TJP2: variants seen among roughly 807,000 people sequenced by gnomAD.
TJP2 encodes the protein tight junction protein 2.
TJP2 carries 91 observed loss-of-function variants against 133.1 expected under a neutral mutation model. That is an observed-to-expected ratio of 0.68 (90% CI 0.58 to 0.81). The LOEUF (loss-of-function observed/expected upper bound fraction) is 0.81, where lower values mean the gene tolerates loss of function less well. TJP2 is among the 40% of genes least tolerant of loss of function. The pLI is 0.00. For synonymous variants in TJP2, 592 were observed against 583.4 expected (o/e 1.01, Z -0.21); for missense variants, 1,541 against 1,565.6 (o/e 0.98, Z 0.26).
intron 1 of TJP2, chr9:69,205,006 C>T: frequency 7.3e-7 from 1 of 1,377,596 alleles, no homozygotes; most frequent in Non-Finnish European, 9.4e-7. Flanking sequence ...TTTGGCATCC[C>T]TGCCATATGG....
chr9:69,148,494 C>T (rs1823319020), intron 1 of TJP2, among the ~76,000 whole-genome samples: 2 of 150,076 alleles, frequency 1.3e-5, no homozygotes, highest in Admixed American at 1.3e-4. Context: ...CCTGTCTCCA[C>T]CTCCCAAGTA....
At chr9:69,243,836 G>A (rs986455411) in intron 17 of TJP2, among the ~76,000 whole-genome samples, 3 of 152,108 alleles carry the variant, frequency 2.0e-5, no homozygotes, top group African/African-American at 4.8e-5. Flanking sequence ...ACCGAGCCAC[G>A]TGAAAAGCTT....
At position 69,251,266 on chromosome 9, in the gene TJP2, C is replaced by T; in HGVS notation, c.3223C>T (p.Pro1075Ser). ...GESSEEQDNA[P>S]KSVLGKVKIF... is the part of the protein sequence containing the mutation. The stretch of plus-strand genomic sequence containing the variant: ...GAGCAGTGAGGAGCAAGATAATGCT[C>T]CCAAATCAGTCCTGGGCAAAGTCAA... Residue 1075 changes from proline to serine, a missense_variant, in exon 21 of 23, where the codon CCC becomes TCC. By Grantham distance (74) the Pro-to-Ser change is moderately conservative. Transcript: ENST00000377245. 1 of 1,614,144 alleles carries T rather than the reference C, an allele frequency of 6.2e-7. No individual in the cohort carries two copies. The highest frequency in any genetic ancestry group is 2.2e-5 in the East Asian group (1 of 44,890).
At chr9:69,231,507 T>C (rs965716727) in intron 11 of TJP2, among the ~76,000 whole-genome samples, 1 of 152,128 alleles carries the variant, frequency 6.6e-6, no homozygotes, top group Admixed American at 6.5e-5. Flanking sequence ...TGTAGTAAAC[T>C]AAGGGGTCTG....
chr9:69,175,216 TTCTGGCAGCTG>T (rs1437709848), intron 1 of TJP2, among the ~76,000 whole-genome samples: 9 of 152,230 alleles, frequency 5.9e-5, no homozygotes, highest in Admixed American at 1.3e-4. Context: ...TAGGCTGCTT[TTCTGGCAGCTG>T]TCTGGCCTGA....
chr9:69,155,747 G>A (rs1823722593), intron 2 of TJP2, among the ~76,000 whole-genome samples: 1 of 152,220 alleles, frequency 6.6e-6, no homozygotes, highest in Non-Finnish European at 1.5e-5. Context: ...AGACTTTGGA[G>A]CCTAATTTGG....
intron 5 of TJP2, among the ~76,000 whole-genome samples, chr9:69,224,932 T>A (rs1285176193): frequency 6.6e-6 from 1 of 152,160 alleles, no homozygotes; most frequent in Non-Finnish European, 1.5e-5. Flanking sequence ...TTCTCCTACA[T>A]CAGTCACCGT....
At chr9:69,213,652 C>G (rs1354722753) in intron 2 of TJP2, among the ~76,000 whole-genome samples, 1 of 152,216 alleles carries the variant, frequency 6.6e-6, no homozygotes, top group Non-Finnish European at 1.5e-5. Flanking sequence ...ACTTCCAGAT[C>G]AGTAATCACA....
intron 12 of TJP2, 109 bp from the exon 13 acceptor site, chr9:69,235,918 GA>G (rs1830153200): frequency 2.0e-6 from 2 of 1,015,714 alleles, no homozygotes; most frequent in Admixed American, 3.8e-5. Context: ...CTTGTGCACT[GA>G]ATGGAAGGAA....
chr9:69,170,434 G>A (rs1824617449), upstream of TJP2, among the ~76,000 whole-genome samples: 1 of 152,046 alleles, frequency 6.6e-6, no homozygotes, highest in African/African-American at 2.4e-5. Flanking sequence ...ATGATGGTCT[G>A]CTATGCCAAT....
intron 22 of TJP2, chr9:69,253,936 G>C (rs888055551): frequency 6.1e-6 from 3 of 495,414 alleles, no homozygotes; most frequent in African/African-American, 3.9e-5. Context: ...AGGGAGCTTA[G>C]GGGTAAGGAG....
chr9:69,212,902 C>A (rs1272496818), intron 2 of TJP2, among the ~76,000 whole-genome samples: 2 of 49,208 alleles, frequency 4.1e-5, no homozygotes, highest in African/African-American at 9.1e-5. Flanking sequence ...ATGACCTGTA[C>A]TGTTTAAGGA....
chr9:69,223,710 C>A (rs541059595), intron 5 of TJP2, among the ~76,000 whole-genome samples: 4 of 152,336 alleles, frequency 2.6e-5, no homozygotes, highest in African/African-American at 9.6e-5. Context: ...GGCTGTGAGG[C>A]TGTTTGACCA....
At chr9:69,147,941 T>G (rs1023823219) in intron 1 of TJP2, among the ~76,000 whole-genome samples, 10 of 116,576 alleles carry the variant, frequency 8.6e-5, no homozygotes, top group African/African-American at 3.3e-4. Context: ...TTTTTTTTTT[T>G]GAGACAGTAT....
At chr9:69,178,276 A>G (rs1402401770) in intron 1 of TJP2, among the ~76,000 whole-genome samples, 1 of 152,234 alleles carries the variant, frequency 6.6e-6, no homozygotes, top group Non-Finnish European at 1.5e-5. Flanking sequence ...CTATTTTTCA[A>G]TTATGATGCA....
intron 1 of TJP2, among the ~76,000 whole-genome samples, chr9:69,150,520 A>C (rs991406005): frequency 2.7e-5 from 4 of 150,748 alleles, no homozygotes; most frequent in Admixed American, 6.6e-5. Context: ...TCTTGATCGA[A>C]CTCCTGGCCT....
chr9:69,220,938 C>T lies in TJP2; in HGVS notation c.394C>T (p.Pro132Ser). 2 of 1,612,658 alleles carry T rather than the reference C, an allele frequency of 1.2e-6. No individual in the cohort carries two copies. Among genetic ancestry groups the T allele is most frequent in the Non-Finnish European group, 1.7e-6 (2 of 1,180,012 alleles). ...GGTGGCCGCACTTCAGGCCAGCCCT[C>T]CCCTGGATCAGGATGACCGGGCTTT... ...VQVAALQASP[P>S]LDQDDRAFEV... Residue 132 changes from proline (P) to serine (S), a missense_variant, in exon 5 of 23, where the codon CCC (proline) becomes TCC (serine). Physicochemically the swap from Pro to Ser is moderately conservative, Grantham distance 74. Transcript: ENST00000377245.
chr9:69,229,219 C>A lies in TJP2; in HGVS notation c.1489C>A (p.Arg497Ser), dbSNP rs202036469. 2 of 1,614,098 alleles carry A rather than the reference C, an allele frequency of 1.2e-6. No homozygotes were observed. Among genetic ancestry groups the A allele is most frequent in the Admixed American group, 1.7e-5 (1 of 60,018 alleles). ...AAAAGCAGCCCCGAGAACTTTTCTT[C>A]GTCCTAGTCCTGAAGATGAAGCAAT... The part of the protein sequence containing the change: ...QPKAAPRTFL[R>S]PSPEDEAIYG... Residue 497 changes from arginine to serine, a missense_variant, in exon 10 of 23, where the codon CGT (arginine) becomes AGT (serine). Transcript: ENST00000377245.
intron 7 of TJP2, among the ~76,000 whole-genome samples, chr9:69,227,127 ATT>A (rs5898066): frequency 1.3e-4 from 19 of 151,442 alleles, no homozygotes; most frequent in Non-Finnish European, 1.6e-4. Context: ...ACTTTTGTTG[ATT>A]TTTTTTTTTA....
Sources: gnomAD v4.1 joint callset for allele counts (sites outside exome capture counted in the v4.1 genomes callset) on GRCh38, gnomAD v4.1.1 for gene constraint, MANE v1.5 for transcripts, NCBI Gene and HGNC (gene_info 2026-07-23, HGNC 2026-07-21) for gene names.